The following NUP35 variants were observed in gnomAD, a reference collection of about 807,000 sequenced individuals.
The protein encoded by NUP35 is nucleoporin NUP35.
A neutral mutation model predicts 41.5 loss-of-function variants in NUP35; 25 were observed. The ratio of observed to expected loss-of-function variants is 0.60; its 90% CI spans 0.44 to 0.84. The LOEUF is 0.84. NUP35 is among the 40% of genes least tolerant of loss of function. The pLI, the probability that NUP35 is intolerant of heterozygous loss-of-function variation, is 0.00. For synonymous variants in NUP35, 149 were observed against 130.7 expected, an observed-to-expected ratio of 1.14 and a Z score of -0.96; for missense variants, 396 against 396.6, an observed-to-expected ratio of 1.00 and a Z score of 0.01.
intron 3 of NUP35, among the ~76,000 whole-genome samples, chr2:183,130,797 G>A (rs748022496): frequency 1.1e-4 from 17 of 152,110 alleles, no homozygotes; most frequent in Non-Finnish European, 2.5e-4. Flanking sequence ...TTATCCACCT[G>A]CCCATAGCTC....
chr2:183,146,605 CT>C (rs1239072039), intron 4 of NUP35, among the ~76,000 whole-genome samples: 84 of 145,928 alleles, frequency 5.8e-4, no homozygotes, highest in Admixed American at 9.0e-4. Context: ...ATTTTTTGAC[CT>C]TTTTTTTTTT....
At chr2:183,135,333 C>T (rs114617235) in intron 4 of NUP35, among the ~76,000 whole-genome samples, 3 of 151,950 alleles carry the variant, frequency 2.0e-5, no homozygotes, top group South Asian at 2.1e-4. Flanking sequence ...GTATTCTAGA[C>T]GGAGGGAACA....
At chr2:183,151,075 A>G (rs1385053284) in intron 4 of NUP35, among the ~76,000 whole-genome samples, 4 of 152,212 alleles carry the variant, frequency 2.6e-5, no homozygotes, top group East Asian at 3.8e-4. Flanking sequence ...TGCATACTGG[A>G]AAAGTAAGGT....
In NUP35 at chr2:183,161,048, T is replaced by A; in HGVS notation, c.904-6T>A. The A allele has an allele frequency of 6.2e-7, 1 of 1,609,844 alleles. No homozygotes were observed. Among genetic ancestry groups the A allele is most frequent in the Non-Finnish European group, 8.5e-7 (1 of 1,176,624 alleles). ...AACCGTTTTTTTTGTGTGTGTTTTT[T>A]AATAGGTTATTTCTGACAGACAAAC... On this transcript the variant is annotated splice_polypyrimidine_tract_variant and splice_region_variant and intron_variant, in intron 8 of 8. Coordinates refer to ENST00000295119, the MANE Select transcript of NUP35 (RefSeq NM_138285.5).
At chr2:183,126,315 C>T (rs1038595792) in intron 1 of NUP35, among the ~76,000 whole-genome samples, 20 of 152,240 alleles carry the variant, frequency 1.3e-4, no homozygotes, top group African/African-American at 4.1e-4. Flanking sequence ...AGGCTTGCGC[C>T]TTCTACTGTG....
intron 4 of NUP35, 57 bp downstream of exon 4, chr2:183,133,680 C>T: frequency 7.7e-7 from 1 of 1,300,008 alleles, no homozygotes; most frequent in Non-Finnish European, 1.0e-6. Context: ...GGCTCTGCTA[C>T]CCACGCTGGA....
chr2:183,138,269 A>ATTT lies in NUP35; in HGVS notation c.397+4659_397+4661dup, dbSNP rs147315571. ...GCTATATATATATATATATATATAT[A>ATTT]TTTTTTTTTTTTTTTAGCTCCTGTA... On this transcript the variant is annotated intron_variant, in intron 4 of 8. Coordinates refer to ENST00000295119, the MANE Select transcript of NUP35 (RefSeq NM_138285.5). Among the ~76,000 whole-genome samples, 25 of 80,646 alleles carry ATTT rather than the reference A, an allele frequency of 3.1e-4. 1 individual carries two copies. Among genetic ancestry groups the ATTT allele is most frequent in the African/African-American group, 1.1e-3 (17 of 16,134 alleles). 52.9% of individuals were successfully genotyped at this position (80,646 alleles called of 152,430 possible). A position where few individuals can be genotyped will look rare whatever the true frequency, so the allele number is the denominator to read the frequency against.
rs1385962929 is a variant in NUP35 at position 183,161,163 on chromosome 2, A to T, written c.*32A>T. 1 of 1,527,034 alleles carries T rather than the reference A, an allele frequency of 6.5e-7. No individual in the cohort carries two copies. Among genetic ancestry groups the T allele is most frequent in the Non-Finnish European group, 9.1e-7 (1 of 1,102,980 alleles). The allele number at this position is 1,527,034 out of a possible 1,614,324, so 94.6% of individuals were successfully genotyped here. A position where few individuals can be genotyped will look rare whatever the true frequency, so the allele number is the denominator to read the frequency against. ...ACCAAGAAGGAGGTTGCTACACTAA[A>T]ACAGAGTTAGCAGAGTGCTGCTGGT... On this transcript the variant is annotated 3_prime_UTR_variant, in exon 9 of 9. Transcript: ENST00000295119.
At chr2:183,131,620 G>A (rs1423174551) in intron 3 of NUP35, among the ~76,000 whole-genome samples, 1 of 152,196 alleles carries the variant, frequency 6.6e-6, no homozygotes, top group Non-Finnish European at 1.5e-5. Flanking sequence ...CACTAGCTAA[G>A]TGTGGCTATT....
intron 7 of NUP35, among the ~76,000 whole-genome samples, chr2:183,158,956 C>CACACA (rs1685772052): frequency 6.6e-6 from 1 of 152,080 alleles, no homozygotes; most frequent in Admixed American, 6.5e-5. Context: ...TGTGAACATT[C>CACACA]TTTAAGTATA....
intron 5 of NUP35, among the ~76,000 whole-genome samples, chr2:183,153,393 C>G (rs1303450606): frequency 2.0e-5 from 3 of 152,148 alleles, no homozygotes; most frequent in South Asian, 2.1e-4. Context: ...TCCCTTCCAC[C>G]TATGAGCCTG....
chr2:183,131,765 G>A (rs1424511419), intron 3 of NUP35, among the ~76,000 whole-genome samples: 1 of 152,036 alleles, frequency 6.6e-6, no homozygotes, highest in East Asian at 1.9e-4. Flanking sequence ...ATAATGTTTT[G>A]GATGTGTTTG....
upstream of NUP35, among the ~76,000 whole-genome samples, chr2:183,119,704 G>T (rs1700040017): frequency 6.6e-6 from 1 of 152,016 alleles, no homozygotes; most frequent in Non-Finnish European, 1.5e-5. Flanking sequence ...GGTGGGCAGG[G>T]AACAGGGTCC....
At chr2:183,124,184 CCACAAATCAGGAAG>C (rs1700109895), upstream of NUP35, among the ~76,000 whole-genome samples, 1 of 152,136 alleles carries the variant, frequency 6.6e-6, no homozygotes, top group African/African-American at 2.4e-5. Flanking sequence ...ACTTAAGTAC[CCACAAATCAGGAAG>C]CATTCCCGGA....
intron 5 of NUP35, among the ~76,000 whole-genome samples, chr2:183,156,429 T>TGAA (rs1685669307): frequency 6.6e-6 from 1 of 152,190 alleles, no homozygotes; most frequent in Non-Finnish European, 1.5e-5. Context: ...AACCTTTCCT[T>TGAA]CCCAGGTTCA....
chr2:183,147,716 A>G (rs1426440192), intron 4 of NUP35, among the ~76,000 whole-genome samples: 1 of 152,088 alleles, frequency 6.6e-6, no homozygotes, highest in Non-Finnish European at 1.5e-5. Flanking sequence ...TTCTGTGAAA[A>G]ATGATGTTGG....
At chr2:183,124,362 C>T, upstream of NUP35, 1 of 1,606,448 alleles carries the variant, frequency 6.2e-7, no homozygotes, top group South Asian at 1.1e-5. Flanking sequence ...GTTACGCAAC[C>T]CCATAAGGTA....
chr2:183,149,106 C>A (rs1478386191), intron 4 of NUP35, among the ~76,000 whole-genome samples: 2 of 152,114 alleles, frequency 1.3e-5, no homozygotes, highest in African/African-American at 4.8e-5. Context: ...TCAGGAGATA[C>A]ATACAATAGT....
rs757294208 is a variant in NUP35, at chr2:183,151,623, C to T, written c.513C>T (p.Leu171=). Residue 171 remains leucine, a synonymous_variant, in exon 5 of 9, where the codon CTC becomes CTT. Transcript: ENST00000295119. ...QGDSLTSEDH[L]DDSWVTVFGF... is the part of the protein sequence containing the mutation. ...ATTCTTTGACTTCAGAAGATCACCT[C>T]GATGACTCTTGGGTGACTGTATTTG... The T allele has an allele frequency of 8.1e-6, 13 of 1,613,790 alleles. No individual in the cohort carries two copies. Among genetic ancestry groups the T allele is most frequent in the African/African-American group, 4.0e-5 (3 of 74,904 alleles).
Sources: gnomAD v4.1 joint callset for allele counts (sites outside exome capture counted in the v4.1 genomes callset) on GRCh38, gnomAD v4.1.1 for gene constraint, MANE v1.5 for transcripts, NCBI Gene and HGNC (gene_info 2026-07-23, HGNC 2026-07-21) for gene names.